IL1RL1: variants seen among roughly 807,000 people sequenced by gnomAD.
IL1RL1 encodes interleukin 1 receptor like 1.
A neutral mutation model predicts 50.9 loss-of-function variants in IL1RL1; 32 were observed. That is an observed-to-expected ratio of 0.63 (90% CI 0.47 to 0.84). IL1RL1 has a LOEUF of 0.84. Among genes scored for constraint, IL1RL1 ranks in the 40% least tolerant of loss-of-function variants. The pLI is 0.00. For synonymous variants in IL1RL1, 275 were observed against 236.0 expected (o/e 1.17, Z -1.51); for missense variants, 773 against 662.9 (o/e 1.17, Z -1.82).
At chr2:102,316,096 T>G (rs1676666273) in intron 1 of IL1RL1, among the ~76,000 whole-genome samples, 1 of 152,222 alleles carries the variant, frequency 6.6e-6, no homozygotes, top group Non-Finnish European at 1.5e-5. Context: ...TGATTTCTAG[T>G]TCCACCCTTA....
chr2:102,320,400 G>T (rs577526901), intron 1 of IL1RL1, among the ~76,000 whole-genome samples: 22 of 152,116 alleles, frequency 1.4e-4, no homozygotes, highest in African/African-American at 5.3e-4. Flanking sequence ...TGCCCTCATG[G>T]CCTAGCTACT....
intron 1 of IL1RL1, among the ~76,000 whole-genome samples, chr2:102,319,361 C>T (rs1019209307): frequency 5.3e-5 from 8 of 152,100 alleles, no homozygotes; most frequent in African/African-American, 1.9e-4. Flanking sequence ...TTTGATGGAA[C>T]AATTTTTTTA....
At chr2:102,350,180 G>A (rs1306759308) in intron 10 of IL1RL1, among the ~76,000 whole-genome samples, 2 of 152,210 alleles carry the variant, frequency 1.3e-5, no homozygotes, top group African/African-American at 2.4e-5. Context: ...GGCCACCCAT[G>A]CAGGTAGAAG....
chr2:102,340,831 A>G lies in IL1RL1; in HGVS notation c.610+3A>G, dbSNP rs13029918. The G allele has an allele frequency of 0.023, 35,304 of 1,567,136 alleles. 474 individuals are homozygous for G. The highest frequency in any genetic ancestry group is 0.03 in the Middle Eastern group (178 of 5,884). ...GACCAGGTCCTTCACGGTCAAGGGT[A>G]AGCTACTGACATTAATGAGATAGAA... On this transcript the variant is annotated splice_donor_region_variant and intron_variant, in intron 5 of 10. Coordinates refer to ENST00000233954, the MANE Select transcript of IL1RL1 (RefSeq NM_016232.5).
intron 5 of IL1RL1, chr2:102,341,245 G>A: frequency 2.4e-6 from 3 of 1,232,930 alleles, no homozygotes; most frequent in Non-Finnish European, 3.1e-6. Flanking sequence ...AATACTCATT[G>A]GATTCAAAGT....
intron 1 of IL1RL1, among the ~76,000 whole-genome samples, chr2:102,323,930 T>C (rs1660840348): frequency 6.6e-6 from 1 of 152,198 alleles, no homozygotes; most frequent in Admixed American, 6.5e-5. Context: ...TTTGGGAACA[T>C]TATATAAATG....
At chr2:102,323,945 G>A (rs966045789) in intron 1 of IL1RL1, among the ~76,000 whole-genome samples, 8 of 151,400 alleles carry the variant, frequency 5.3e-5, no homozygotes, top group Non-Finnish European at 8.8e-5. Context: ...TAAATGGGAC[G>A]ATATAATATG....
rs114989917 is a variant in IL1RL1, at chr2:102,342,188, C to T, written c.611-35C>T. The T allele has an allele frequency of 2.2e-3, 3,112 of 1,410,958 alleles. 9 individuals carry two copies. Among genetic ancestry groups the T allele is most frequent in the Middle Eastern group, 3.2e-3 (17 of 5,312 alleles). The allele number at this position is 1,410,958 out of a possible 1,614,324, so 87.4% of individuals were successfully genotyped here. A position where few individuals can be genotyped will look rare whatever the true frequency, so the allele number is the denominator to read the frequency against. ...GCTTTATATTGACTAGCATTCAATG[C>T]TCTCCTAATATTTATATTTCTTTTT... On this transcript the variant is annotated intron_variant, in intron 5 of 10. Coordinates refer to ENST00000233954, the MANE Select transcript of IL1RL1 (RefSeq NM_016232.5).
At chr2:102,317,761 T>C (rs1676719982) in intron 1 of IL1RL1, among the ~76,000 whole-genome samples, 1 of 151,890 alleles carries the variant, frequency 6.6e-6, no homozygotes, top group Non-Finnish European at 1.5e-5. Context: ...ATAAATGCCA[T>C]GGAGGAAAAA....
At chr2:102,351,510 A>T in intron 10 of IL1RL1, 26 bp from the exon 11 acceptor site, 1 of 1,593,596 alleles carries the variant, frequency 6.3e-7, no homozygotes, top group African/African-American at 1.3e-5. Flanking sequence ...CTGATAAGAA[A>T]TCTGATCTAT....
At chr2:102,344,936 GACA>G (rs2104995646) in intron 8 of IL1RL1, 1 of 965,688 alleles carries the variant, frequency 1.0e-6, no homozygotes, top group East Asian at 1.1e-4. Flanking sequence ...ACAATAAAAG[GACA>G]ACATGAAACT....
intron 1 of IL1RL1, chr2:102,313,412 C>G (rs921065773): frequency 1.3e-5 from 2 of 152,148 alleles, no homozygotes; most frequent in East Asian, 3.9e-4. Flanking sequence ...CTGGGATTCT[C>G]TCTGTTCTTG....
chr2:102,318,175 A>G (rs180931608), intron 1 of IL1RL1, among the ~76,000 whole-genome samples: 108 of 152,290 alleles, frequency 7.1e-4, no homozygotes, highest in Middle Eastern at 3.4e-3. Context: ...AAAATCAATT[A>G]TAGGGGACAA....
chr2:102,341,785 T>C (rs956395689), intron 5 of IL1RL1, among the ~76,000 whole-genome samples: 6 of 152,146 alleles, frequency 3.9e-5, no homozygotes, highest in Non-Finnish European at 8.8e-5. Flanking sequence ...ACGGGGAAGA[T>C]TTCACTGAGG....
intron 1 of IL1RL1, chr2:102,313,516 C>A (rs1415818240): frequency 1.3e-5 from 2 of 152,204 alleles, no homozygotes; most frequent in African/African-American, 4.8e-5. Flanking sequence ...TCAAGTGTAT[C>A]TGGGGTGTCT....
At chr2:102,345,483 A>G in intron 8 of IL1RL1, 1 of 985,442 alleles carries the variant, frequency 1.0e-6, no homozygotes, top group Non-Finnish European at 1.2e-6. Flanking sequence ...CAAATAGCCA[A>G]AGAGTGTTAA....
At chr2:102,328,211 C>T (rs951890583) in intron 1 of IL1RL1, among the ~76,000 whole-genome samples, 15 of 152,150 alleles carry the variant, frequency 9.9e-5, no homozygotes, top group Non-Finnish European at 1.5e-4. Flanking sequence ...ATACACAAAT[C>T]GATAAACATA....
chr2:102,316,188 T>C (rs1573126719), intron 1 of IL1RL1, among the ~76,000 whole-genome samples: 1 of 152,326 alleles, frequency 6.6e-6, no homozygotes, highest in Admixed American at 6.5e-5. Flanking sequence ...TAGTTAATCA[T>C]GTCTTGAGCA....
intron 9 of IL1RL1, among the ~76,000 whole-genome samples, chr2:102,348,715 A>T (rs1386966189): frequency 1.3e-5 from 2 of 152,262 alleles, no homozygotes; most frequent in Admixed American, 1.3e-4. Flanking sequence ...TTAGCTTTAA[A>T]TTTTTTCACT....
Sources: allele counts gnomAD v4.1 joint callset (sites outside exome capture counted in the v4.1 genomes callset), GRCh38; gene constraint gnomAD v4.1.1; transcripts MANE v1.5; gene names NCBI Gene and HGNC (gene_info 2026-07-23, HGNC 2026-07-21).